The following EPHA6 variants were observed in gnomAD, a reference collection of about 807,000 sequenced individuals.
EPHA6 encodes EPH receptor A6, also known as ephrin type-A receptor 6.
In EPHA6, 50 loss-of-function variants were observed where a neutral mutation model predicts 112.0. The ratio of observed to expected loss-of-function variants is 0.45; its 90% CI spans 0.36 to 0.56. The LOEUF is 0.56. Ranked by LOEUF, EPHA6 falls within the 20% of genes least tolerant of loss-of-function variation. EPHA6 has a pLI of 0.00. For missense variants in EPHA6, 1,280 were observed against 1,417.4 expected (o/e 0.90, Z 1.56); for synonymous variants, 529 against 490.7 (o/e 1.08, Z -1.03).
intron 3 of EPHA6, among the ~76,000 whole-genome samples, chr3:97,025,532 G>A (rs1294848586): frequency 2.0e-5 from 3 of 152,088 alleles, no homozygotes; most frequent in Non-Finnish European, 4.4e-5. Context: ...TGCTTTCAGT[G>A]TCTTCATGAA....
At chr3:97,526,803 A>G (rs2092627236) in intron 10 of EPHA6, among the ~76,000 whole-genome samples, 1 of 152,154 alleles carries the variant, frequency 6.6e-6, no homozygotes, top group South Asian at 2.1e-4. Context: ...GCTACCATCA[A>G]GATTCAGGGC....
chr3:96,857,045 C>T (rs911011324), intron 1 of EPHA6, among the ~76,000 whole-genome samples: 3 of 152,068 alleles, frequency 2.0e-5, no homozygotes, highest in African/African-American at 7.2e-5. Flanking sequence ...AGTTTCGGAA[C>T]ATTATAGATT....
At chr3:96,936,032 TA>T (rs2040563944) in intron 2 of EPHA6, among the ~76,000 whole-genome samples, 1 of 152,000 alleles carries the variant, frequency 6.6e-6, no homozygotes, top group East Asian at 1.9e-4. Context: ...TCAACACTGC[TA>T]AAAGGGGGGA....
chr3:97,690,738 G>A (rs572486614), intron 14 of EPHA6, among the ~76,000 whole-genome samples: 2 of 152,152 alleles, frequency 1.3e-5, no homozygotes, highest in Non-Finnish European at 2.9e-5. Context: ...AAAGTGCTGG[G>A]ATTACAGGTG....
chr3:97,000,654 C>T (rs1421893341), intron 3 of EPHA6, among the ~76,000 whole-genome samples: 2 of 151,522 alleles, frequency 1.3e-5, no homozygotes, highest in Non-Finnish European at 3.0e-5. Context: ...ATACAAGTGC[C>T]TCTTAAAAAA....
At chr3:97,147,498 C>G (rs1393592842) in intron 3 of EPHA6, among the ~76,000 whole-genome samples, 2 of 151,950 alleles carry the variant, frequency 1.3e-5, no homozygotes, top group Admixed American at 6.6e-5. Flanking sequence ...ATAAATGAAT[C>G]TCATCTTGAT....
chr3:97,555,142 C>T (rs2093086523), intron 11 of EPHA6, among the ~76,000 whole-genome samples: 1 of 149,544 alleles, frequency 6.7e-6, no homozygotes, highest in South Asian at 2.1e-4. Context: ...CATGTGCTCT[C>T]ATTGTTCAAT....
chr3:97,753,360 C>T lies in EPHA6; in HGVS notation c.*4659C>T, dbSNP rs908483988. 1.3e-5 allele frequency among the ~76,000 whole-genome samples: 2 copies of T among 152,126 alleles called. No individual in the cohort carries two copies. Among genetic ancestry groups the T allele is most frequent in the Non-Finnish European group, 2.9e-5 (2 of 67,998 alleles). ...AATATAAAGAAATAAATAGGATCTT[C>T]GTCCAGTGTGAATTGGATTTGCAAT... On this transcript the variant is annotated 3_prime_UTR_variant, in exon 18 of 18. Coordinates refer to ENST00000389672, the MANE Select transcript of EPHA6 (RefSeq NM_001080448.3).
chr3:97,256,095 C>T (rs992088291), intron 5 of EPHA6, among the ~76,000 whole-genome samples: 6 of 152,012 alleles, frequency 3.9e-5, no homozygotes, highest in Admixed American at 2.6e-4. Context: ...TTTAATGACC[C>T]GTCAAAGCAG....
chr3:97,200,148 T>A lies in EPHA6; in HGVS notation c.1115-26116T>A, dbSNP rs1041332121. Among the ~76,000 whole-genome samples, 4 of 152,274 alleles carry A rather than the reference T, an allele frequency of 2.6e-5. 1 individual carries two copies. Among genetic ancestry groups the A allele is most frequent in the Admixed American group, 2.6e-4 (4 of 15,282 alleles). ...AGGCTTCCCAGGACCAGATTGTGAATGGTCTTAAACTCAGGCACTCAATCA... is the reference window on the plus strand; with the variant it reads ...AGGCTTCCCAGGACCAGATTGTGAAAGGTCTTAAACTCAGGCACTCAATCA... On this transcript the variant is annotated intron_variant, in intron 3 of 17. Coordinates refer to ENST00000389672, the MANE Select transcript of EPHA6 (RefSeq NM_001080448.3).
In EPHA6 at chr3:97,107,149, T is replaced by G. The variant is rs145478294; in HGVS notation, c.1115-119115T>G. ...TATATAGATTAATATTTTAATTTTA[T>G]ATATGGGCATTTACAATAAGTAAAT... On this transcript the variant is annotated intron_variant, in intron 3 of 17. Transcript: ENST00000389672. 4.7e-4 allele frequency among the ~76,000 whole-genome samples: 72 copies of G among 152,284 alleles called. No individual in the cohort carries two copies. In the East Asian group the frequency reaches 9.8e-3, roughly 21 times the overall value.
intron 3 of EPHA6, among the ~76,000 whole-genome samples, chr3:96,993,884 C>T (rs549789568): frequency 3.4e-4 from 51 of 152,226 alleles, no homozygotes; most frequent in African/African-American, 1.2e-3. Flanking sequence ...TCTTGGTCAG[C>T]TATGCAACTA....
At chr3:97,131,023 A>T (rs1359845875) in intron 3 of EPHA6, among the ~76,000 whole-genome samples, 6 of 152,118 alleles carry the variant, frequency 3.9e-5, no homozygotes, top group Non-Finnish European at 8.8e-5. Context: ...CATCAGGAAA[A>T]ATCAATAGCA....
chr3:97,534,147 A>T (rs1196273093), intron 11 of EPHA6, among the ~76,000 whole-genome samples: 1 of 152,172 alleles, frequency 6.6e-6, no homozygotes, highest in African/African-American at 2.4e-5. Context: ...TTACTTCCAC[A>T]TCTGTAAAAT....
chr3:97,317,718 C>A lies in EPHA6; in HGVS notation c.1606+73431C>A, dbSNP rs555178468. ...ACAGTCTGACATTCATCCAAAGAATCCTTCAGGACCTATAGTGGGAGATGA... is the reference window on the plus strand; with the variant it reads ...ACAGTCTGACATTCATCCAAAGAATACTTCAGGACCTATAGTGGGAGATGA... On this transcript the variant is annotated intron_variant, in intron 5 of 17. Coordinates refer to ENST00000389672, the MANE Select transcript of EPHA6 (RefSeq NM_001080448.3). Among the ~76,000 whole-genome samples the A allele has an allele frequency of 7.2e-5, 11 of 151,884 alleles. No individual in the cohort carries two copies. In the South Asian group the frequency reaches 1.0e-3, roughly 14 times the overall value.
At chr3:97,415,049 C>T (rs914628868) in intron 6 of EPHA6, among the ~76,000 whole-genome samples, 4 of 151,752 alleles carry the variant, frequency 2.6e-5, no homozygotes, top group Non-Finnish European at 5.9e-5. Flanking sequence ...TGGCTTTGCT[C>T]GAAAAAGGTA....
chr3:97,665,213 T>G (rs1392557303), intron 14 of EPHA6, among the ~76,000 whole-genome samples: 1 of 152,134 alleles, frequency 6.6e-6, no homozygotes, highest in African/African-American at 2.4e-5. Context: ...AAACAAGAAA[T>G]GGGGAAAGGA....
chr3:97,085,948 T>TATATATATACAC (rs984404779), intron 3 of EPHA6, among the ~76,000 whole-genome samples: 3 of 145,124 alleles, frequency 2.1e-5, no homozygotes, highest in African/African-American at 8.3e-5. Context: ...TATATATATA[T>TATATATATACAC]ACACACTGAG....
chr3:97,550,008 T>C (rs539010605), intron 11 of EPHA6, among the ~76,000 whole-genome samples: 106 of 152,246 alleles, frequency 7.0e-4, no homozygotes, highest in Non-Finnish European at 1.2e-3. Flanking sequence ...AAACTCTAGA[T>C]AAGCTGATTG....
Sources: gnomAD v4.1 joint callset for allele counts (sites outside exome capture counted in the v4.1 genomes callset) on GRCh38, gnomAD v4.1.1 for gene constraint, MANE v1.5 for transcripts, NCBI Gene and HGNC (gene_info 2026-07-23, HGNC 2026-07-21) for gene names.